The following ENTPD1 variants were observed in gnomAD, a reference collection of about 807,000 sequenced individuals.
ENTPD1 encodes the protein ATP diphosphohydrolase.
ENTPD1 carries 33 observed loss-of-function variants against 57.0 expected under a neutral mutation model. The ratio of observed to expected loss-of-function variants is 0.58; its 90% confidence interval spans 0.44 to 0.77. The LOEUF is 0.77. Ranked by LOEUF, ENTPD1 falls within the 30% of genes least tolerant of loss-of-function variation. ENTPD1 has a pLI of 0.00. For missense variants in ENTPD1, 501 were observed against 603.4 expected, an observed-to-expected ratio of 0.83 and a Z score of 1.78; for synonymous variants, 202 against 218.8, an observed-to-expected ratio of 0.92 and a Z score of 0.68.
chr10:95,700,233 A>T, the ENTPD1 span, among the ~76,000 whole-genome samples: 1 of 152,202 alleles, frequency 6.6e-6, no homozygotes, highest in African/African-American at 2.4e-5. Context: ...TTTGTTTAAA[A>T]TTTTGGAAGA....
intron 1 of ENTPD1, among the ~76,000 whole-genome samples, chr10:95,819,981 G>A (rs2098343448): frequency 6.6e-6 from 1 of 152,192 alleles, no homozygotes; most frequent in African/African-American, 2.4e-5. Context: ...CCATAATAGA[G>A]CTTGACTGTG....
chr10:95,873,146 C>T lies in ENTPD1; in HGVS notation c.*6763C>T, dbSNP rs1055729146. ...AACAAGCTGCCAGGTAAAGCCAATACATCTGTCCAGGAATCACACTTTGCG... is the reference window on the plus strand; with the variant it reads ...AACAAGCTGCCAGGTAAAGCCAATATATCTGTCCAGGAATCACACTTTGCG... On this transcript the variant is annotated 3_prime_UTR_variant, in exon 10 of 10. Coordinates refer to ENST00000371205, the MANE Select transcript of ENTPD1 (RefSeq NM_001776.6). 1.0e-6 allele frequency: 1 copy of T among 983,992 alleles called. No individual in the cohort carries two copies. The highest frequency in any genetic ancestry group is 1.2e-6 in the Non-Finnish European group (1 of 828,650). The allele number at this position is 983,992 out of a possible 1,614,324, so 61.0% of individuals were successfully genotyped here.
At chr10:95,790,664 A>T (rs1353695574) in intron 1 of ENTPD1, among the ~76,000 whole-genome samples, 1 of 152,132 alleles carries the variant, frequency 6.6e-6, no homozygotes, top group African/African-American at 2.4e-5. Context: ...TTTTTGGAAT[A>T]TTTTAAGCAA....
At position 95,869,471 on chromosome 10, in the gene ENTPD1, A is replaced by G; in HGVS notation, c.*3088A>G. ...CACCATGTTGGCCAGGCTGGTCTCC[A>G]ACTCCCAATCTCAGGTGATCCTATT... On this transcript the variant is annotated 3_prime_UTR_variant, in exon 10 of 10. Coordinates refer to ENST00000371205, the MANE Select transcript of ENTPD1 (RefSeq NM_001776.6). The G allele has an allele frequency of 1.1e-6, 1 of 871,896 alleles. No individual in the cohort carries two copies. Among genetic ancestry groups the G allele is most frequent in the Admixed American group, 6.2e-5 (1 of 16,120 alleles). The allele number at this position is 871,896 out of a possible 1,614,324, so 54.0% of individuals were successfully genotyped here.
At chr10:95,817,464 C>T (rs765933310) in intron 1 of ENTPD1, among the ~76,000 whole-genome samples, 1 of 152,170 alleles carries the variant, frequency 6.6e-6, no homozygotes, top group Non-Finnish European at 1.5e-5. Context: ...CCTTGTTCAC[C>T]CCTAAGTTGC....
chr10:95,718,325 G>C (rs991704919), intron 1 of ENTPD1, among the ~76,000 whole-genome samples: 16 of 152,118 alleles, frequency 1.1e-4, no homozygotes, highest in Admixed American at 5.9e-4. Context: ...TGGTTTCCTG[G>C]AGGGGATTAC....
At chr10:95,821,556 C>T (rs2098351385) in intron 1 of ENTPD1, among the ~76,000 whole-genome samples, 1 of 152,170 alleles carries the variant, frequency 6.6e-6, no homozygotes, top group Non-Finnish European at 1.5e-5. Context: ...CAAGTCCATC[C>T]CTGAGCTTGG....
intron 1 of ENTPD1, among the ~76,000 whole-genome samples, chr10:95,787,607 A>T (rs2140238296): frequency 6.6e-6 from 1 of 152,292 alleles, no homozygotes; most frequent in South Asian, 2.1e-4. Flanking sequence ...CTCTGGATGA[A>T]GTATTTCTAT....
intron 1 of ENTPD1, among the ~76,000 whole-genome samples, chr10:95,779,307 C>T (rs1365739126): frequency 2.0e-5 from 3 of 152,272 alleles, no homozygotes; most frequent in Non-Finnish European, 2.9e-5. Flanking sequence ...TGCCATTCCC[C>T]AGCCTGAAGA....
At chr10:95,832,254 T>C (rs2098398792) in intron 2 of ENTPD1, among the ~76,000 whole-genome samples, 1 of 152,128 alleles carries the variant, frequency 6.6e-6, no homozygotes, top group African/African-American at 2.4e-5. Flanking sequence ...AGTTCCCCAC[T>C]CTTACCCTCA....
chr10:95,847,432 A>AT lies in ENTPD1; in HGVS notation c.814-9dup, dbSNP rs1328970761. ...CGTTCACACATGATGCTTTCAAGTG[A>AT]TTTTTCCATTCAGGTTGCAAGTAAT... On this transcript the variant is annotated splice_polypyrimidine_tract_variant and intron_variant, in intron 6 of 9. Coordinates refer to ENST00000371205, the MANE Select transcript of ENTPD1 (RefSeq NM_001776.6). The AT allele has an allele frequency of 6.2e-7, 1 of 1,614,082 alleles. No homozygotes were observed. Among genetic ancestry groups the AT allele is most frequent in the Admixed American group, 1.7e-5 (1 of 60,016 alleles).
intron 1 of ENTPD1, among the ~76,000 whole-genome samples, chr10:95,742,507 TTTCTTTTTCTTCTTCTTC>T (rs1243092687): frequency 6.6e-6 from 1 of 151,496 alleles, no homozygotes; most frequent in Non-Finnish European, 1.5e-5. Flanking sequence ...AAACTTTCTT[TTTCTTTTTCTTCTTCTTC>T]TTCTTTTTCT....
rs555356241 is a variant in ENTPD1 at position 95,873,919 on chromosome 10, G to A, written c.*7536G>A. 8.7e-4 allele frequency among the ~76,000 whole-genome samples: 132 copies of A among 152,248 alleles called. 1 individual carries two copies. The South Asian group carries it at 8.7e-3, about 10-fold the overall frequency. On this transcript the variant is annotated 3_prime_UTR_variant, in exon 10 of 10. Transcript: ENST00000371205. ...CAGATCTTGTGGGACTTATTATCACGAGAATAGCACAGAAAAGACTGGCCT... is the reference window on the plus strand; with the variant it reads ...CAGATCTTGTGGGACTTATTATCACAAGAATAGCACAGAAAAGACTGGCCT...
At position 95,868,730 on chromosome 10, in the gene ENTPD1, T is replaced by G. The variant is rs1450950874; in HGVS notation, c.*2347T>G. 1.0e-6 allele frequency: 1 copy of G among 985,336 alleles called. No individual in the cohort carries two copies. Among genetic ancestry groups the G allele is most frequent in the Non-Finnish European group, 1.2e-6 (1 of 829,848 alleles). The allele number at this position is 985,336 out of a possible 1,614,324, so 61.0% of individuals were successfully genotyped here. On this transcript the variant is annotated 3_prime_UTR_variant, in exon 10 of 10. Transcript: ENST00000371205. ...GTCTTCTGGTTGAAGCCTATTGCTTTTTCTTTTCTAAACACTTTCCCTCAG... is the reference window on the plus strand; with the variant it reads ...GTCTTCTGGTTGAAGCCTATTGCTTGTTCTTTTCTAAACACTTTCCCTCAG...
intron 1 of ENTPD1, among the ~76,000 whole-genome samples, chr10:95,720,751 G>A (rs1485108539): frequency 3.3e-5 from 5 of 152,186 alleles, no homozygotes; most frequent in Admixed American, 3.3e-4. Flanking sequence ...GACATAAGGG[G>A]CATGGACGAG....
At chr10:95,814,369 A>G (rs542842576) in intron 1 of ENTPD1, among the ~76,000 whole-genome samples, 198 of 152,358 alleles carry the variant, frequency 1.3e-3, no homozygotes, top group Non-Finnish European at 2.0e-3. Context: ...CTCATTTCCC[A>G]TACATAGAGC....
chr10:95,854,265 G>A (rs2098450500), intron 7 of ENTPD1, among the ~76,000 whole-genome samples: 1 of 152,140 alleles, frequency 6.6e-6, no homozygotes. Flanking sequence ...ATTTCTGTGG[G>A]ATCGGTGGTG....
chr10:95,827,148 A>T (rs1031269037), intron 2 of ENTPD1, among the ~76,000 whole-genome samples: 1 of 152,200 alleles, frequency 6.6e-6, no homozygotes, highest in African/African-American at 2.4e-5. Flanking sequence ...TTACCTCAAC[A>T]TTTCATCAAA....
intron 7 of ENTPD1, among the ~76,000 whole-genome samples, chr10:95,858,681 G>C (rs2098459948): frequency 6.6e-6 from 1 of 152,170 alleles, no homozygotes; most frequent in African/African-American, 2.4e-5. Context: ...TGAGTTCAGG[G>C]CATATGGAGG....
Sources: gnomAD v4.1 joint callset for allele counts (sites outside exome capture counted in the v4.1 genomes callset) on GRCh38, gnomAD v4.1.1 for gene constraint, MANE v1.5 for transcripts, NCBI Gene and HGNC (gene_info 2026-07-23, HGNC 2026-07-21) for gene names.